CUX1: variants seen among roughly 807,000 people sequenced by gnomAD.
CUX1 encodes protein CASP.
Under a neutral mutation model 158.8 loss-of-function variants are expected in CUX1, and 31 were observed. The observed-to-expected ratio is 0.20, with a 90% confidence interval of 0.15 to 0.26. CUX1 has a LOEUF of 0.26. CUX1 is among the 10% of genes least tolerant of loss of function. CUX1 has a pLI of 1.00. For synonymous variants in CUX1, 879 were observed against 862.1 expected (o/e 1.02, Z -0.34); for missense variants, 1,589 against 2,014.6 (o/e 0.79, Z 4.04).
chr7:101,818,399 A>G (rs913978366), intron 1 of CUX1, among the ~76,000 whole-genome samples: 1 of 152,194 alleles, frequency 6.6e-6, no homozygotes, highest in African/African-American at 2.4e-5. Context: ...CTTAATATCA[A>G]TGAAGTGTCT....
chr7:101,900,692 T>C (rs979472646), intron 1 of CUX1, among the ~76,000 whole-genome samples: 4 of 151,876 alleles, frequency 2.6e-5, no homozygotes, highest in Admixed American at 6.6e-5. Flanking sequence ...CTAATTAAAA[T>C]GTGAGAAGGG....
At chr7:102,228,110 C>T (rs1798545303) in intron 21 of CUX1, among the ~76,000 whole-genome samples, 1 of 152,016 alleles carries the variant, frequency 6.6e-6, no homozygotes, top group Non-Finnish European at 1.5e-5. Context: ...GCCACCACTC[C>T]TGGCTAATTT....
Position 101,870,817 on chromosome 7 carries a change from C to T in CUX1, c.31-45298C>T, listed in dbSNP as rs953853433. On this transcript the variant is annotated intron_variant, in intron 1 of 23. Transcript: ENST00000292535. ...TTGTTTTCAGCTAAAGCTGTGAGGA[C>T]AGTATAGAGTTTTGCCTTGTAAAAT... Among the ~76,000 whole-genome samples the T allele has an allele frequency of 2.6e-5, 4 of 152,196 alleles. No homozygotes were observed. In the East Asian group the frequency reaches 5.8e-4, roughly 22 times the overall value.
Position 101,882,582 on chromosome 7 carries a change from C to T in CUX1, c.31-33533C>T, listed in dbSNP as rs117111690. On this transcript the variant is annotated intron_variant, in intron 1 of 23. Transcript: ENST00000292535. Reference sequence around the variant, plus strand: ...TGTTCTTGGTCTTCATTCAGGCTAGCACCTCTCGTCACCTTTTCACTTTGG... The same window carrying T: ...TGTTCTTGGTCTTCATTCAGGCTAGTACCTCTCGTCACCTTTTCACTTTGG... Among the ~76,000 whole-genome samples the T allele has an allele frequency of 3.8e-3, 578 of 152,370 alleles. 2 individuals are homozygous for T. The highest frequency in any genetic ancestry group is 6.0e-3 in the Non-Finnish European group (410 of 68,040).
At chr7:102,266,084 G>A (rs1248502248) in intron 14 of CUX1, among the ~76,000 whole-genome samples, 2 of 151,724 alleles carry the variant, frequency 1.3e-5, no homozygotes, top group African/African-American at 2.4e-5. Flanking sequence ...CATGCTTGTA[G>A]TCCCAGCTGC....
chr7:102,212,592 A>G (rs540554941), intron 20 of CUX1, among the ~76,000 whole-genome samples: 16 of 152,282 alleles, frequency 1.1e-4, no homozygotes, highest in Non-Finnish European at 1.8e-4. Flanking sequence ...GCAAGCATTC[A>G]AACTTACAGT....
Position 102,238,233 on chromosome 7 carries a change from C to T in CUX1, c.3623-1087C>T, listed in dbSNP as rs550757762. Among the ~76,000 whole-genome samples the T allele has an allele frequency of 4.9e-3, 736 of 151,664 alleles. 13 individuals carry two copies. Among genetic ancestry groups the T allele is most frequent in the Non-Finnish European group, 7.0e-3 (477 of 67,730 alleles). ...CCCTTTCCCGGGATACTCCCTTTCC[C>T]GGTCTGCTAAGTAGCCTGTGTTTTT... On this transcript the variant is annotated intron_variant, in intron 22 of 23. Transcript: ENST00000292535.
chr7:102,168,947 TTTGAGATGTGGTTTTGCTC>T (rs1791412190), intron 9 of CUX1, among the ~76,000 whole-genome samples: 1 of 142,262 alleles, frequency 7.0e-6, no homozygotes, highest in Non-Finnish European at 1.5e-5. Flanking sequence ...TCTTTTTTTT[TTTGAGATGTGGTTTTGCTC>T]TTGTTGCCCA....
chr7:102,227,655 C>A lies in CUX1; in HGVS notation c.3419C>A (p.Thr1140Lys). ...ACCAAGCGGGTGAAGGAGGTGCTGACGGACAACAACCTCGGTAGGTTCTCC... is the reference window on the plus strand; with the variant it reads ...ACCAAGCGGGTGAAGGAGGTGCTGAAGGACAACAACCTCGGTAGGTTCTCC... ...GITKRVKEVL[T>K]DNNLGQRLFG... The change falls in exon 21 of 24, where the codon ACG becomes AAG. Residue 1140 changes from threonine (T) to lysine (K), a missense_variant. By Grantham distance (78) the Thr-to-Lys change is moderately conservative (BLOSUM62 -1). Around this residue, in one of 8 missense-constraint regions of CUX1, gnomAD observed 259 missense variants for 373.8 expected, o/e 0.69. Coordinates refer to ENST00000292535, the MANE Select transcript of CUX1 (RefSeq NM_181552.4). The A allele has an allele frequency of 6.2e-7, 1 of 1,609,692 alleles. No individual in the cohort carries two copies. Among genetic ancestry groups the A allele is most frequent in the Non-Finnish European group, 8.5e-7 (1 of 1,177,122 alleles).
rs180760119 is a variant in CUX1 at position 101,864,070 on chromosome 7, T to C, written c.30+46401T>C. Among the ~76,000 whole-genome samples the C allele has an allele frequency of 2.6e-5, 4 of 152,326 alleles. No individual in the cohort carries two copies. The East Asian group carries it at 7.7e-4, about 29-fold the overall frequency. ...TTGAGTTTATACCCAAAAGTGGAAT[T>C]CTGTTTGGGTTGCACCATTTTAAAT... On this transcript the variant is annotated intron_variant, in intron 1 of 23. Coordinates refer to ENST00000292535, the MANE Select transcript of CUX1 (RefSeq NM_181552.4).
chr7:102,027,970 TC>T, intron 2 of CUX1, 127 bp from the exon 3 acceptor site: 1 of 847,110 alleles, frequency 1.2e-6, no homozygotes, highest in Non-Finnish European at 1.9e-6. Context: ...ATGGGTGAGG[TC>T]CCAGGCTTGC....
At chr7:102,050,410 C>G (rs1159363451) in intron 3 of CUX1, among the ~76,000 whole-genome samples, 52 of 152,146 alleles carry the variant, frequency 3.4e-4, no homozygotes, top group Non-Finnish European at 1.5e-5. Flanking sequence ...GGGGCTTTCC[C>G]TGTATCTCTG....
chr7:102,132,778 T>C (rs1196378903), intron 8 of CUX1, among the ~76,000 whole-genome samples: 3 of 148,458 alleles, frequency 2.0e-5, no homozygotes, highest in Non-Finnish European at 4.5e-5. Flanking sequence ...TTCAAGCGAT[T>C]CTCCTGCCTC....
rs112048598 is a variant in CUX1 at position 102,098,807 on chromosome 7, ATTTTTTTTTTTTTTT to A, written c.406+1324_406+1338del. ...AGGAGCCCGCCACCACGCCCAACTAATTTTTTTTTTTTTTTTTTTTTTTTTTTTTTTTAAGTAGAG... is the reference window on the plus strand; with the variant it reads ...AGGAGCCCGCCACCACGCCCAACTAATTTTTTTTTTTTTTTTTAAGTAGAG... On this transcript the variant is annotated intron_variant, in intron 5 of 23. Coordinates refer to ENST00000292535, the MANE Select transcript of CUX1 (RefSeq NM_181552.4). Among the ~76,000 whole-genome samples, 29 of 68,000 alleles carry A rather than the reference ATTTTTTTTTTTTTTT, an allele frequency of 4.3e-4. No individual in the cohort carries two copies. In the Admixed American group the frequency reaches 4.4e-3, roughly 10 times the overall value. 44.6% of individuals were successfully genotyped at this position (68,000 alleles called of 152,430 possible).
intron 1 of CUX1, among the ~76,000 whole-genome samples, chr7:101,850,073 GC>G (rs1177781616): frequency 6.6e-6 from 1 of 151,964 alleles, no homozygotes; most frequent in African/African-American, 2.4e-5. Context: ...ATAGGAATGT[GC>G]CACCATGCTT....
At chr7:102,216,687 C>CACA (rs1554524919) in intron 20 of CUX1, among the ~76,000 whole-genome samples, 1 of 113,740 alleles carries the variant, frequency 8.8e-6, no homozygotes, top group Non-Finnish European at 1.7e-5. Flanking sequence ...ACACACTCCC[C>CACA]CACACACACT....
chr7:102,218,971 T>A (rs1347597019), intron 20 of CUX1, among the ~76,000 whole-genome samples: 1 of 150,900 alleles, frequency 6.6e-6, no homozygotes, highest in Non-Finnish European at 1.5e-5. Context: ...GAAGATCACT[T>A]GAGCCCAGGA....
intron 1 of CUX1, among the ~76,000 whole-genome samples, chr7:101,905,394 G>A (rs542854263): frequency 1.3e-5 from 2 of 152,234 alleles, no homozygotes; most frequent in Non-Finnish European, 1.5e-5. Context: ...AGACCGCTCT[G>A]CATCCCTGTA....
chr7:102,168,118 C>T (rs1327129968), intron 9 of CUX1, among the ~76,000 whole-genome samples: 1 of 151,694 alleles, frequency 6.6e-6, no homozygotes, highest in East Asian at 1.9e-4. Flanking sequence ...GATTAATTAG[C>T]ATGAACCAGA....
Sources: allele counts gnomAD v4.1 joint callset (sites outside exome capture counted in the v4.1 genomes callset), GRCh38; gene constraint gnomAD v4.1.1; regional missense constraint gnomAD v4.1.1; transcripts MANE v1.5; gene names NCBI Gene and HGNC (gene_info 2026-07-23, HGNC 2026-07-21).